EPSTI1: variants seen among roughly 807,000 people sequenced by gnomAD.
The protein encoded by EPSTI1 is epithelial-stromal interaction protein 1.
A neutral mutation model predicts 49.9 loss-of-function variants in EPSTI1; 66 were observed. That is an observed-to-expected ratio of 1.32 (90% confidence interval 1.08 to 1.62). EPSTI1 has a LOEUF of 1.62. Among genes scored for constraint, EPSTI1 ranks in the 40% most tolerant of loss-of-function variants. The pLI, the probability that EPSTI1 is intolerant of heterozygous loss-of-function variation, is 0.00. For synonymous variants in EPSTI1, 137 were observed against 130.7 expected, an observed-to-expected ratio of 1.05 and a Z score of -0.33; for missense variants, 394 against 365.5, an observed-to-expected ratio of 1.08 and a Z score of -0.64.
At chr13:42,948,489 G>A (rs1291256337) in intron 6 of EPSTI1, among the ~76,000 whole-genome samples, 17 of 134,448 alleles carry the variant, frequency 1.3e-4, no homozygotes, top group Non-Finnish European at 2.5e-4. Context: ...TGTTTTTTTC[G>A]GTGAGACAAG....
chr13:42,910,218 A>G (rs1342178556), intron 8 of EPSTI1, among the ~76,000 whole-genome samples: 2 of 146,686 alleles, frequency 1.4e-5, no homozygotes, highest in African/African-American at 5.0e-5. Context: ...CTTGTATTTG[A>G]GAAAGTTGTT....
At chr13:42,952,088 TTGTAAAATGGACCAATCAGCACTC>T (rs1303834414) in intron 6 of EPSTI1, among the ~76,000 whole-genome samples, 15 of 152,234 alleles carry the variant, frequency 9.9e-5, no homozygotes, top group African/African-American at 1.4e-4. Context: ...AGCTAGAGGT[TTGTAAAATGGACCAATCAGCACTC>T]TGTAAAATGG....
chr13:42,930,613 C>T (rs1194209507), intron 6 of EPSTI1, among the ~76,000 whole-genome samples: 2 of 151,512 alleles, frequency 1.3e-5, no homozygotes, highest in Non-Finnish European at 2.9e-5. Context: ...CAAACTATTG[C>T]ATACACTTTA....
chr13:42,952,926 A>C (rs2039144095), intron 6 of EPSTI1, among the ~76,000 whole-genome samples: 1 of 152,204 alleles, frequency 6.6e-6, no homozygotes, highest in Admixed American at 6.5e-5. Flanking sequence ...TAGAGGGGGA[A>C]TATGTTGGAG....
chr13:42,940,744 T>C (rs1226641395), intron 6 of EPSTI1, among the ~76,000 whole-genome samples: 1 of 152,216 alleles, frequency 6.6e-6, no homozygotes, highest in African/African-American at 2.4e-5. Flanking sequence ...TGAATCATGC[T>C]CATTGTTGAA....
At chr13:42,977,098 A>G (rs971528546) in intron 1 of EPSTI1, among the ~76,000 whole-genome samples, 1 of 152,228 alleles carries the variant, frequency 6.6e-6, no homozygotes, top group Non-Finnish European at 1.5e-5. Context: ...TAATGCTTTC[A>G]GCAGAACATT....
chr13:42,980,344 C>T (rs1489606807), intron 1 of EPSTI1, among the ~76,000 whole-genome samples: 1 of 152,152 alleles, frequency 6.6e-6, no homozygotes, highest in Non-Finnish European at 1.5e-5. Flanking sequence ...TTAGTCCATT[C>T]TCATGCTGCT....
intron 8 of EPSTI1, among the ~76,000 whole-genome samples, chr13:42,901,875 C>T (rs192974476): frequency 5.6e-4 from 85 of 152,176 alleles, no homozygotes; most frequent in Admixed American, 2.9e-3. Flanking sequence ...ACTAACTCGT[C>T]ATCTAGCATT....
chr13:42,889,948 C>T (rs946828464), intron 10 of EPSTI1, among the ~76,000 whole-genome samples: 5 of 152,036 alleles, frequency 3.3e-5, no homozygotes, highest in African/African-American at 7.2e-5. Context: ...TGAATTATGT[C>T]GGGACCTAAT....
chr13:42,930,284 G>A (rs769427704), intron 6 of EPSTI1, among the ~76,000 whole-genome samples: 2 of 152,164 alleles, frequency 1.3e-5, no homozygotes, highest in Non-Finnish European at 2.9e-5. Flanking sequence ...GTTTAGGTAA[G>A]TAATCATTCG....
intron 6 of EPSTI1, among the ~76,000 whole-genome samples, chr13:42,929,880 T>C (rs1440556768): frequency 6.6e-6 from 1 of 152,184 alleles, no homozygotes; most frequent in Admixed American, 6.5e-5. Flanking sequence ...CAGATACCAT[T>C]CCAGATTTCA....
chr13:42,939,195 G>T lies in EPSTI1; in HGVS notation c.564-12766C>A, dbSNP rs530721657. 2.0e-5 allele frequency among the ~76,000 whole-genome samples: 3 copies of T among 152,202 alleles called. No individual in the cohort carries two copies. The South Asian group carries it at 6.2e-4, about 32-fold the overall frequency. On this transcript the variant is annotated intron_variant, in intron 6 of 10. Coordinates refer to ENST00000313624, the MANE Select transcript of EPSTI1 (RefSeq NM_033255.5). ...TTTGGCTTAAGGGAATGTTTTGGCT[G>T]GTCTGATCTTCTATCCAGACCACTT...
rs1352813269 is a variant in EPSTI1 at position 42,970,612 on chromosome 13, T to C, written c.247A>G (p.Ile83Val). ...NINRRNEIQR[I>V]AEQELANLEK... ...ATGTTAAATGAATGACTATACATAC[T>C]TCTTTGTATCTCATTTCTCCGGTTT... The change falls in exon 2 of 11, where the codon ATT becomes GTT. Residue 83 changes from isoleucine (I) to valine (V), a missense_variant and splice_region_variant. Coordinates refer to ENST00000313624, the MANE Select transcript of EPSTI1 (RefSeq NM_033255.5). 6.2e-7 allele frequency: 1 copy of C among 1,608,016 alleles called. No individual in the cohort carries two copies. The highest frequency in any genetic ancestry group is 8.5e-7 in the Non-Finnish European group (1 of 1,176,996).
chr13:42,982,413 G>A (rs749876720), intron 1 of EPSTI1, among the ~76,000 whole-genome samples: 1 of 152,240 alleles, frequency 6.6e-6, no homozygotes, highest in Non-Finnish European at 1.5e-5. Flanking sequence ...CCTTGGGGCT[G>A]CTCTGCCTAT....
intron 6 of EPSTI1, among the ~76,000 whole-genome samples, chr13:42,929,806 T>G (rs984571967): frequency 6.6e-6 from 1 of 151,132 alleles, no homozygotes; most frequent in African/African-American, 2.5e-5. Context: ...AAATGTTTCT[T>G]AAATAAAAAG....
Position 42,888,517 on chromosome 13 carries a change from AAAC to A in EPSTI1, c.916-18_916-16del. The stretch of plus-strand genomic sequence containing the variant: ...TCTCATATACCCTGGAAGAAAAAGA[AAAC>A]AAAAATTACTGCAAGCAGCAAAATA... On this transcript the variant is annotated splice_polypyrimidine_tract_variant and intron_variant, in intron 10 of 10. Transcript: ENST00000313624. The A allele has an allele frequency of 6.3e-7, 1 of 1,578,922 alleles. No homozygotes were observed. Among genetic ancestry groups the A allele is most frequent in the Non-Finnish European group, 8.6e-7 (1 of 1,165,078 alleles).
intron 8 of EPSTI1, among the ~76,000 whole-genome samples, chr13:42,910,347 C>T (rs12872921): frequency 0.19 from 28,607 of 148,746 alleles, 3,136 homozygotes; most frequent in East Asian, 0.41. Context: ...CTGCAACCTC[C>T]GGCTCCTGGG....
At chr13:42,947,922 T>A in intron 6 of EPSTI1, among the ~76,000 whole-genome samples, 1 of 152,218 alleles carries the variant, frequency 6.6e-6, no homozygotes, top group African/African-American at 2.4e-5. Flanking sequence ...TGGTCCATTG[T>A]CATCAATAAC....
At chr13:42,980,402 T>G (rs147065529) in intron 1 of EPSTI1, among the ~76,000 whole-genome samples, 1 of 152,304 alleles carries the variant, frequency 6.6e-6, no homozygotes, top group East Asian at 1.9e-4. Flanking sequence ...AAAAGAGGTT[T>G]AATGGACTCA....
Sources: gnomAD v4.1 joint callset for allele counts (sites outside exome capture counted in the v4.1 genomes callset) on GRCh38, gnomAD v4.1.1 for gene constraint, MANE v1.5 for transcripts, NCBI Gene and HGNC (gene_info 2026-07-23, HGNC 2026-07-21) for gene names.